C8orf74: variants seen among roughly 807,000 people sequenced by gnomAD.
C8orf74 encodes chromosome 8 open reading frame 74.
C8orf74 carries 29 observed loss-of-function variants against 22.2 expected under a neutral mutation model. That is an observed-to-expected ratio of 1.31 (90% CI 0.97 to 1.78). C8orf74 has a LOEUF of 1.78. Among genes scored for constraint, C8orf74 ranks in the 40% most tolerant of loss-of-function variants. The probability of loss-of-function intolerance (pLI) is 0.00; values close to 1 mark genes in which losing one functional copy is unlikely to be tolerated. For synonymous variants in C8orf74, 255 were observed against 163.1 expected, an observed-to-expected ratio of 1.56 and a Z score of -4.30; for missense variants, 515 against 369.9, an observed-to-expected ratio of 1.39 and a Z score of -3.22.
At chr8:10,675,893 C>T (rs945055359) in intron 2 of C8orf74, 6 of 152,216 alleles carry the variant, frequency 3.9e-5, no homozygotes, top group African/African-American at 1.4e-4. Context: ...TCACACGTGA[C>T]CTGTGGCCTG....
At chr8:10,694,550 T>C (rs1428230790) in intron 2 of C8orf74, among the ~76,000 whole-genome samples, 1 of 152,196 alleles carries the variant, frequency 6.6e-6, no homozygotes, top group Non-Finnish European at 1.5e-5. Context: ...TAATCAATTA[T>C]GTATTCCTCC....
rs541648529 is a variant in C8orf74 at position 10,697,582 on chromosome 8, G to A, written c.242-17G>A. On this transcript the variant is annotated splice_polypyrimidine_tract_variant and intron_variant, in intron 2 of 3. Coordinates refer to ENST00000304519, the MANE Select transcript of C8orf74 (RefSeq NM_001040032.2). ...TCTGTCCCACTCCCACTCTGTTCTTGGCCCCTGTGCCTACAGGCTGCTCCA... is the reference window on the plus strand; with the variant it reads ...TCTGTCCCACTCCCACTCTGTTCTTAGCCCCTGTGCCTACAGGCTGCTCCA... 1.9e-6 allele frequency: 3 copies of A among 1,606,716 alleles called. No individual in the cohort carries two copies. In the African/African-American group the frequency reaches 4.0e-5, roughly 21 times the overall value.
At position 10,697,594 on chromosome 8, in the gene C8orf74, T is replaced by C. The variant is rs12680711; in HGVS notation, c.242-5T>C. The C allele has an allele frequency of 0.04, 64,470 of 1,611,710 alleles. 16,558 individuals carry two copies. In the African/African-American group the frequency reaches 0.65, roughly 16 times the overall value. On this transcript the variant is annotated splice_region_variant and splice_polypyrimidine_tract_variant and intron_variant, in intron 2 of 3. Coordinates refer to ENST00000304519, the MANE Select transcript of C8orf74 (RefSeq NM_001040032.2). ...CCACTCTGTTCTTGGCCCCTGTGCCTACAGGCTGCTCCATTACTGAGGCTG... is the reference window on the plus strand; with the variant it reads ...CCACTCTGTTCTTGGCCCCTGTGCCCACAGGCTGCTCCATTACTGAGGCTG...
intron 2 of C8orf74, among the ~76,000 whole-genome samples, chr8:10,697,045 T>A (rs1381337921): frequency 6.6e-6 from 1 of 151,518 alleles, no homozygotes; most frequent in Admixed American, 6.6e-5. Flanking sequence ...TATACTGGGG[T>A]AATCATATAA....
rs1255464274 is a variant in C8orf74, at chr8:10,690,341, C to T, written c.242-7258C>T. Reference sequence around the variant, plus strand: ...CCTAACTGAGGGGAGCTCACCTGGGCGGTACAGTCCCCGGCAGCCAGGGGT... The same window carrying T: ...CCTAACTGAGGGGAGCTCACCTGGGTGGTACAGTCCCCGGCAGCCAGGGGT... On this transcript the variant is annotated intron_variant, in intron 2 of 3. Transcript: ENST00000304519. Among the ~76,000 whole-genome samples the T allele has an allele frequency of 2.0e-4, 30 of 152,282 alleles. No individual in the cohort carries two copies. The East Asian group carries it at 5.0e-3, about 26-fold the overall frequency.
chr8:10,684,714 C>T (rs989241313), intron 2 of C8orf74, among the ~76,000 whole-genome samples: 2 of 152,200 alleles, frequency 1.3e-5, no homozygotes, highest in Non-Finnish European at 1.5e-5. Flanking sequence ...AAGATTTGTT[C>T]TTACGTAGTT....
chr8:10,695,008 T>A (rs963052149), intron 2 of C8orf74, among the ~76,000 whole-genome samples: 1 of 149,638 alleles, frequency 6.7e-6, no homozygotes, highest in Admixed American at 6.7e-5. Flanking sequence ...GATGGATGAA[T>A]GGATGGATGG....
At chr8:10,697,066 G>T (rs1799533738) in intron 2 of C8orf74, among the ~76,000 whole-genome samples, 1 of 151,930 alleles carries the variant, frequency 6.6e-6, no homozygotes, top group Non-Finnish European at 1.5e-5. Context: ...GAAATAAATG[G>T]GATAAGTGTA....
intron 2 of C8orf74, among the ~76,000 whole-genome samples, chr8:10,695,168 TGGCTTGTATTA>T (rs1563164024): frequency 6.6e-6 from 1 of 152,198 alleles, no homozygotes; most frequent in Non-Finnish European, 1.5e-5. Flanking sequence ...TATTGATTGC[TGGCTTGTATTA>T]GGCTCTGTAC....
intron 2 of C8orf74, among the ~76,000 whole-genome samples, chr8:10,683,245 A>T (rs1799189863): frequency 6.6e-6 from 1 of 152,202 alleles, no homozygotes; most frequent in East Asian, 1.9e-4. Flanking sequence ...TCCTGGCCCC[A>T]GCAGGAAGGC....
intron 2 of C8orf74, among the ~76,000 whole-genome samples, chr8:10,686,900 A>G (rs747246574): frequency 6.6e-6 from 1 of 152,098 alleles, no homozygotes; most frequent in Non-Finnish European, 1.5e-5. Flanking sequence ...TGTCCCCTTC[A>G]CTGTTTGAGT....
intron 2 of C8orf74, among the ~76,000 whole-genome samples, chr8:10,676,385 C>G (rs150520238): frequency 6.6e-6 from 1 of 152,024 alleles, no homozygotes; most frequent in African/African-American, 2.4e-5. Flanking sequence ...TTCTGACCAC[C>G]CCCAGGGCCA....
chr8:10,700,586 AC>A lies in C8orf74; in HGVS notation c.*118del. ...GACTTCTTGTGATTAAAAGAAACAA[AC>A]CCATGCCATCATCTGGTCTCTGTCT... On this transcript the variant is annotated 3_prime_UTR_variant, in exon 4 of 4. Coordinates refer to ENST00000304519, the MANE Select transcript of C8orf74 (RefSeq NM_001040032.2). 1 of 623,516 alleles carries A rather than the reference AC, an allele frequency of 1.6e-6. No homozygotes were observed. The highest frequency in any genetic ancestry group is 2.7e-6 in the Non-Finnish European group (1 of 368,090). The allele number at this position is 623,516 out of a possible 1,614,324, so 38.6% of individuals were successfully genotyped here.
intron 2 of C8orf74, among the ~76,000 whole-genome samples, chr8:10,684,637 G>C (rs1212950915): frequency 1.3e-5 from 2 of 152,212 alleles, no homozygotes; most frequent in African/African-American, 4.8e-5. Context: ...TGAAACAGGG[G>C]ATGGTACCAC....
At chr8:10,678,335 T>G (rs534361412) in intron 2 of C8orf74, among the ~76,000 whole-genome samples, 2 of 152,216 alleles carry the variant, frequency 1.3e-5, no homozygotes, top group Non-Finnish European at 2.9e-5. Context: ...GCCCACAGCA[T>G]GGTGCTCGGT....
In C8orf74 at chr8:10,697,689, G is replaced by A; in HGVS notation, c.332G>A (p.Cys111Tyr). Residue 111 changes from cysteine to tyrosine, a missense_variant, in exon 3 of 4, where the codon TGT (cysteine) becomes TAT (tyrosine). Cys to Tyr is a radical substitution (Grantham distance 194, BLOSUM62 -2). Transcript: ENST00000304519. ...AACACCACCCACCTGCTGGCCCTCT[G>A]TGACTACTTCCACCACACCTTCATC... ...HFNTTHLLALCDYFHHTFIRH... is the reference protein window; with the variant it reads ...HFNTTHLLALYDYFHHTFIRH... 6.2e-7 allele frequency: 1 copy of A among 1,613,996 alleles called. No homozygotes were observed. The highest frequency in any genetic ancestry group is 8.5e-7 in the Non-Finnish European group (1 of 1,179,890).
chr8:10,679,331 C>G (rs1354422314), intron 2 of C8orf74, among the ~76,000 whole-genome samples: 1 of 152,266 alleles, frequency 6.6e-6, no homozygotes, highest in East Asian at 1.9e-4. Flanking sequence ...CTTTAGGTCT[C>G]CTGCATGCCC....
chr8:10,673,277 CT>C (rs1451850909), intron 1 of C8orf74, among the ~76,000 whole-genome samples: 1 of 152,138 alleles, frequency 6.6e-6, no homozygotes, highest in Non-Finnish European at 1.5e-5. Context: ...TTGCCACTTC[CT>C]TTAAGTGGCA....
Position 10,700,367 on chromosome 8 carries a change from G to GCCCCCCCCCCCAAACCCCCCCCCCAAACC in C8orf74, c.786_787insCCCCCCAAACCCCCCCCCCAAACCCCCCC (p.Thr263ProfsTer27). The GCCCCCCCCCCCAAACCCCCCCCCCAAACC allele has an allele frequency of 1.9e-6, 3 of 1,590,934 alleles. No individual in the cohort carries two copies. Among genetic ancestry groups the GCCCCCCCCCCCAAACCCCCCCCCCAAACC allele is most frequent in the Non-Finnish European group, 2.6e-6 (3 of 1,159,762 alleles). ...TCAGAAGAAGACTCTGAACCTCAAC[G>GCCCCCCCCCCCAAACCCCCCCCCCAAACC]CCCCCACCCCTATCCCGCCCCCCAT... On this transcript the variant is annotated frameshift_variant, in exon 4 of 4. Transcript: ENST00000304519. LOFTEE classifies it low-confidence loss of function (END_TRUNC).
Sources: gnomAD v4.1 joint callset for allele counts (sites outside exome capture counted in the v4.1 genomes callset) on GRCh38, gnomAD v4.1.1 for gene constraint, MANE v1.5 for transcripts, NCBI Gene and HGNC (gene_info 2026-07-23, HGNC 2026-07-21) for gene names.